The following CLDN10 variants were observed in gnomAD, a reference collection of about 807,000 sequenced individuals.
CLDN10 encodes claudin-10.
Under a neutral mutation model 22.9 loss-of-function variants are expected in CLDN10, and 15 were observed. That is an observed-to-expected ratio of 0.65 (90% CI 0.44 to 1.01). The LOEUF is 1.01. Ranked by LOEUF, CLDN10 falls within the 50% of genes least tolerant of loss-of-function variation. The pLI is 0.00. For synonymous variants in CLDN10, 114 were observed against 111.4 expected (o/e 1.02, Z -0.15); for missense variants, 247 against 287.8 (o/e 0.86, Z 1.03).
rs574121532 is a variant in CLDN10, at chr13:95,535,596, T to C, written c.215-24536T>C. On this transcript the variant is annotated intron_variant, in intron 1 of 4. Coordinates refer to the CLDN10 transcript ENST00000376873. The stretch of plus-strand genomic sequence containing the variant: ...GGGGAGGTGGGGGTGAGAGGTTTAG[T>C]TGTAGACATAATTGAGGTCTCCATA... Among the ~76,000 whole-genome samples the C allele has an allele frequency of 8.6e-5, 13 of 151,940 alleles. No individual in the cohort carries two copies. The South Asian group carries it at 1.0e-3, about 12-fold the overall frequency.
chr13:95,576,770 T>C (rs1415620563), intron 3 of CLDN10, among the ~76,000 whole-genome samples: 2 of 152,220 alleles, frequency 1.3e-5, no homozygotes, highest in East Asian at 1.9e-4. Flanking sequence ...CTGCAGCGAT[T>C]AGTGACGATT....
chr13:95,571,081 T>C (rs1028100977), intron 3 of CLDN10, among the ~76,000 whole-genome samples: 1 of 151,760 alleles, frequency 6.6e-6, no homozygotes, highest in Non-Finnish European at 1.5e-5. Flanking sequence ...AATTAGTTAA[T>C]GAGCTAAATA....
chr13:95,550,725 G>A (rs1008164836), upstream of CLDN10, among the ~76,000 whole-genome samples: 1 of 149,908 alleles, frequency 6.7e-6, no homozygotes, highest in African/African-American at 2.4e-5. Flanking sequence ...AAAAAGGCAA[G>A]CCATACAAAA....
intron 3 of CLDN10, among the ~76,000 whole-genome samples, chr13:95,572,991 T>G (rs1213329146): frequency 6.6e-6 from 1 of 152,196 alleles, no homozygotes; most frequent in East Asian, 1.9e-4. Context: ...AGTTGAAGTA[T>G]GAAATGCATC....
chr13:95,439,114 T>C (rs2042300213), intron 1 of CLDN10, among the ~76,000 whole-genome samples: 1 of 152,044 alleles, frequency 6.6e-6, no homozygotes, highest in African/African-American at 2.4e-5. Flanking sequence ...TTCTTGCTAG[T>C]TGGAATGTAT....
At chr13:95,536,183 G>GAAAAAA (rs34043263) in intron 1 of CLDN10, among the ~76,000 whole-genome samples, 1 of 148,654 alleles carries the variant, frequency 6.7e-6, no homozygotes. Flanking sequence ...TCCTAAATTT[G>GAAAAAA]AAAAAAAAAA....
chr13:95,529,449 C>T (rs1335855241), intron 1 of CLDN10, among the ~76,000 whole-genome samples: 1 of 152,026 alleles, frequency 6.6e-6, no homozygotes, highest in Admixed American at 6.6e-5. Context: ...TGTTAAGAAC[C>T]ATTCGCCTTA....
At chr13:95,440,772 G>T (rs1176425587) in intron 1 of CLDN10, among the ~76,000 whole-genome samples, 1 of 152,220 alleles carries the variant, frequency 6.6e-6, no homozygotes, top group Non-Finnish European at 1.5e-5. Flanking sequence ...GTAGAATCTA[G>T]ACAGGTTGAG....
intron 1 of CLDN10, among the ~76,000 whole-genome samples, chr13:95,478,149 G>GA (rs5805937): frequency 0.21 from 31,474 of 149,620 alleles, 3,829 homozygotes; most frequent in Non-Finnish European, 0.29. Context: ...AACTAAAATA[G>GA]AAAAAAAAAA....
intron 1 of CLDN10, among the ~76,000 whole-genome samples, chr13:95,541,972 C>T (rs922883803): frequency 1.3e-5 from 2 of 152,320 alleles, no homozygotes; most frequent in Admixed American, 1.3e-4. Flanking sequence ...GTTTTGCAGG[C>T]TGTACAGGAA....
chr13:95,438,466 C>T (rs1412610624), intron 1 of CLDN10, among the ~76,000 whole-genome samples: 1 of 152,168 alleles, frequency 6.6e-6, no homozygotes, highest in Admixed American at 6.5e-5. Flanking sequence ...TGACTGTTTA[C>T]AGTCTTCTCA....
chr13:95,517,276 G>A (rs2043179044), intron 1 of CLDN10, among the ~76,000 whole-genome samples: 1 of 152,026 alleles, frequency 6.6e-6, no homozygotes, highest in African/African-American at 2.4e-5. Context: ...CTTAGGAGCT[G>A]GCGATACAGA....
chr13:95,503,454 A>G (rs1006648673), intron 1 of CLDN10, among the ~76,000 whole-genome samples: 1 of 152,250 alleles, frequency 6.6e-6, no homozygotes, highest in South Asian at 2.1e-4. Context: ...AATTAAAAAT[A>G]AAACTACCGT....
chr13:95,553,141 C>A (rs2043588837), intron 1 of CLDN10, among the ~76,000 whole-genome samples, 168 bp downstream of exon 1: 1 of 152,138 alleles, frequency 6.6e-6, no homozygotes, highest in African/African-American at 2.4e-5. Flanking sequence ...CTCCTGGTGC[C>A]CGCCCTCTCC....
chr13:95,505,504 T>G (rs1215893950), intron 1 of CLDN10, among the ~76,000 whole-genome samples: 1 of 152,210 alleles, frequency 6.6e-6, no homozygotes, highest in Non-Finnish European at 1.5e-5. Context: ...TGATTTTGGT[T>G]TCAGCCCAGG....
At chr13:95,478,792 G>A (rs2042710556) in intron 1 of CLDN10, among the ~76,000 whole-genome samples, 1 of 152,188 alleles carries the variant, frequency 6.6e-6, no homozygotes. Context: ...TACAGCCTGT[G>A]GTCTCGACAG....
intron 1 of CLDN10, 99 bp from the exon 2 acceptor site, chr13:95,560,033 T>G: frequency 8.4e-7 from 1 of 1,186,602 alleles, no homozygotes. Flanking sequence ...ACAGTTATCT[T>G]TTTGGAAAAC....
chr13:95,514,287 C>A (rs999429286), intron 1 of CLDN10, among the ~76,000 whole-genome samples: 1 of 151,960 alleles, frequency 6.6e-6, no homozygotes, highest in African/African-American at 2.4e-5. Flanking sequence ...GAGAAAAAAC[C>A]TTCCAGCCTA....
intron 3 of CLDN10, among the ~76,000 whole-genome samples, chr13:95,573,283 C>G (rs1037017722): frequency 5.3e-5 from 8 of 152,226 alleles, no homozygotes; most frequent in African/African-American, 1.7e-4. Context: ...CCAAGATCCT[C>G]TAAAAACAAT....
Sources: gnomAD v4.1 joint callset for allele counts (sites outside exome capture counted in the v4.1 genomes callset) on GRCh38, gnomAD v4.1.1 for gene constraint, MANE v1.5 for transcripts, NCBI Gene and HGNC (gene_info 2026-07-23, HGNC 2026-07-21) for gene names.